PIK3C2B: variants seen among roughly 807,000 people sequenced by gnomAD.
PIK3C2B encodes phosphatidylinositol-4-phosphate 3-kinase catalytic subunit type 2 beta, also known as phosphatidylinositol 4-phosphate 3-kinase C2 domain-containing subunit beta.
Under a neutral mutation model 184.3 loss-of-function variants are expected in PIK3C2B, and 83 were observed. The ratio of observed to expected loss-of-function variants is 0.45; its 90% CI spans 0.38 to 0.54. PIK3C2B has a LOEUF of 0.54. Among genes scored for constraint, PIK3C2B ranks in the 20% least tolerant of loss-of-function variants. PIK3C2B has a pLI of 0.00. For synonymous variants in PIK3C2B, 779 were observed against 837.6 expected (o/e 0.93, Z 1.21); for missense variants, 1,736 against 2,113.5 (o/e 0.82, Z 3.50).
intron 14 of PIK3C2B, among the ~76,000 whole-genome samples, chr1:204,448,840 C>G (rs1340438115): frequency 1.3e-5 from 2 of 152,114 alleles, no homozygotes; most frequent in African/African-American, 2.4e-5. Context: ...AAGGTGTCCC[C>G]TCAGGCCCCA....
chr1:204,466,212 G>T (rs1655773183), intron 2 of PIK3C2B, among the ~76,000 whole-genome samples: 1 of 152,188 alleles, frequency 6.6e-6, no homozygotes. Flanking sequence ...GCTCAGGGCA[G>T]CCTGGGAGGC....
At chr1:204,431,411 T>C in intron 28 of PIK3C2B, 1 of 529,576 alleles carries the variant, frequency 1.9e-6, no homozygotes, top group Non-Finnish European at 3.4e-6. Context: ...CTTTAAAAAA[T>C]TAGAAATTTT....
chr1:204,437,287 G>C (rs1425023590), intron 23 of PIK3C2B, among the ~76,000 whole-genome samples: 1 of 152,108 alleles, frequency 6.6e-6, no homozygotes. Context: ...CTGAGGTCAG[G>C]AGTTCGCGAC....
chr1:204,465,529 A>G (rs1478797004), intron 2 of PIK3C2B, among the ~76,000 whole-genome samples: 1 of 152,252 alleles, frequency 6.6e-6, no homozygotes, highest in Admixed American at 6.5e-5. Flanking sequence ...AAGGAGGCGA[A>G]GCTCTGGCTG....
intron 5 of PIK3C2B, among the ~76,000 whole-genome samples, chr1:204,462,833 C>T (rs969462077): frequency 6.6e-6 from 1 of 152,188 alleles, no homozygotes; most frequent in Non-Finnish European, 1.5e-5. Flanking sequence ...GCGGGCAGAT[C>T]ACCCGAGGTC....
intron 28 of PIK3C2B, among the ~76,000 whole-genome samples, chr1:204,430,566 AACTCCTTAGCTCATG>A (rs1289036416): frequency 6.6e-6 from 1 of 151,634 alleles, no homozygotes; most frequent in Admixed American, 6.6e-5. Flanking sequence ...GCTGGTCTCA[AACTCCTTAGCTCATG>A]ATCTGCCTGC....
Position 204,456,055 on chromosome 1 carries a change from G to T in PIK3C2B, c.1748-4C>A, listed in dbSNP as rs781369692. On this transcript the variant is annotated splice_polypyrimidine_tract_variant and splice_region_variant and intron_variant, in intron 10 of 32. Transcript: ENST00000684373. ...GTCAGGGCTTCCACGACCTTCTCTG[G>T]GAAGGGAAGGGGTCAGAAGGGAAAG... 5.0e-6 allele frequency: 8 copies of T among 1,610,928 alleles called. No homozygotes were observed. The East Asian group carries it at 1.8e-4, about 36-fold the overall frequency.
chr1:204,479,683 G>C (rs539710442), intron 1 of PIK3C2B, among the ~76,000 whole-genome samples: 1 of 152,166 alleles, frequency 6.6e-6, no homozygotes, highest in Non-Finnish European at 1.5e-5. Flanking sequence ...GCTTTGCCTC[G>C]ATACAGCATT....
At chr1:204,494,092 G>C (rs993246295) in intron 1 of PIK3C2B, among the ~76,000 whole-genome samples, 1 of 152,196 alleles carries the variant, frequency 6.6e-6, no homozygotes, top group Non-Finnish European at 1.5e-5. Flanking sequence ...GTGGGGACGC[G>C]GGTGCCTGGA....
chr1:204,493,534 C>T (rs1280807089), intron 1 of PIK3C2B, among the ~76,000 whole-genome samples: 1 of 149,438 alleles, frequency 6.7e-6, no homozygotes, highest in African/African-American at 2.5e-5. Context: ...AACACACACA[C>T]ACACACACAC....
chr1:204,488,418 C>G (rs1657776862), intron 1 of PIK3C2B, among the ~76,000 whole-genome samples: 1 of 152,202 alleles, frequency 6.6e-6, no homozygotes, highest in African/African-American at 2.4e-5. Context: ...AATTCCCTAT[C>G]TATCAGTATA....
intron 23 of PIK3C2B, among the ~76,000 whole-genome samples, chr1:204,438,593 C>G (rs1482700901): frequency 1.3e-5 from 2 of 152,212 alleles, no homozygotes; most frequent in African/African-American, 4.8e-5. Flanking sequence ...TACCACTGAA[C>G]CCTCTGAGAA....
intron 12 of PIK3C2B, chr1:204,450,237 G>A (rs1035246990): frequency 7.9e-6 from 4 of 503,676 alleles, no homozygotes; most frequent in African/African-American, 5.8e-5. Flanking sequence ...TGGTGTCCTT[G>A]GAGCTTTGCA....
intron 31 of PIK3C2B, among the ~76,000 whole-genome samples, chr1:204,427,380 T>C (rs544647291): frequency 1.1e-4 from 16 of 152,308 alleles, no homozygotes; most frequent in African/African-American, 3.9e-4. Context: ...TTAATCCCCA[T>C]AATGACTCTA....
At chr1:204,485,220 C>T (rs1002678097) in intron 1 of PIK3C2B, among the ~76,000 whole-genome samples, 2 of 151,868 alleles carry the variant, frequency 1.3e-5, no homozygotes, top group African/African-American at 4.8e-5. Flanking sequence ...AGCTATCTCT[C>T]CCGTTCTTAG....
intron 1 of PIK3C2B, among the ~76,000 whole-genome samples, chr1:204,478,335 T>C (rs1656873877): frequency 1.3e-5 from 2 of 152,050 alleles, no homozygotes; most frequent in Non-Finnish European, 2.9e-5. Context: ...TGGCTCCAAC[T>C]GCCCCTCCCA....
rs1381186186 is a variant in PIK3C2B at position 204,493,915 on chromosome 1, C to T, written c.-85+441G>A. Among the ~76,000 whole-genome samples, 3 of 152,224 alleles carry T rather than the reference C, an allele frequency of 2.0e-5. No individual in the cohort carries two copies. In the East Asian group the frequency reaches 5.8e-4, roughly 29 times the overall value. The stretch of plus-strand genomic sequence containing the variant: ...CCGACTAAGAAACGTACACATTCCC[C>T]AGGCTAGATGCCGACTTCTCACCCA... On this transcript the variant is annotated intron_variant, in intron 1 of 32. Transcript: ENST00000684373.
chr1:204,461,540 G>A (rs563083424), intron 5 of PIK3C2B, among the ~76,000 whole-genome samples: 1 of 152,212 alleles, frequency 6.6e-6, no homozygotes, highest in Non-Finnish European at 1.5e-5. Flanking sequence ...CAGAAATGGA[G>A]AGGAGAGGAC....
intron 1 of PIK3C2B, among the ~76,000 whole-genome samples, chr1:204,470,787 T>C (rs1363444090): frequency 1.3e-5 from 2 of 149,866 alleles, no homozygotes; most frequent in Admixed American, 1.3e-4. Context: ...TACAATTGAA[T>C]ACTACTTGGC....
Sources: gnomAD v4.1 joint callset for allele counts (sites outside exome capture counted in the v4.1 genomes callset) on GRCh38, gnomAD v4.1.1 for gene constraint, MANE v1.5 for transcripts, NCBI Gene and HGNC (gene_info 2026-07-23, HGNC 2026-07-21) for gene names.